Variants in PGCKA1 observed in about 807,000 individuals in gnomAD.
PGCKA1 encodes the protein PDCD10 and GCKIII kinases associated 1.
At chr4:37,548,947 G>A in the PGCKA1 span, among the ~76,000 whole-genome samples, 1 of 152,184 alleles carries the variant, frequency 6.6e-6, no homozygotes, top group Admixed American at 6.5e-5. Context: ...TTCCACTAAG[G>A]TGGTCCTCCA....
At chr4:37,577,802 A>C in the PGCKA1 span, among the ~76,000 whole-genome samples, 1 of 151,878 alleles carries the variant, frequency 6.6e-6, no homozygotes, top group African/African-American at 2.4e-5. Flanking sequence ...CTCTTCATTG[A>C]CCCAGTGTTT....
chr4:37,561,598 T>C, the PGCKA1 span, among the ~76,000 whole-genome samples: 69,275 of 151,532 alleles, frequency 0.46, 16,596 homozygotes, highest in South Asian at 0.54. Context: ...GTGTATGAGA[T>C]AGAAAAGACT....
chr4:37,556,272 T>TTG, the PGCKA1 span, among the ~76,000 whole-genome samples: 67,332 of 151,612 alleles, frequency 0.44, 15,295 homozygotes, highest in African/African-American at 0.53. Context: ...TTGTTTTGTT[T>TTG]TTTTGTTTTT....
the PGCKA1 span, among the ~76,000 whole-genome samples, chr4:37,517,577 G>A: frequency 3.8e-3 from 578 of 152,124 alleles, 4 homozygotes; most frequent in African/African-American, 0.013. Context: ...AATTCTTCAC[G>A]TAGTTACTGG....
the PGCKA1 span, among the ~76,000 whole-genome samples, chr4:37,513,964 T>C: frequency 6.6e-6 from 1 of 152,172 alleles, no homozygotes; most frequent in Non-Finnish European, 1.5e-5. Flanking sequence ...GTTTCTGTCT[T>C]TATTTTGTGC....
the PGCKA1 span, among the ~76,000 whole-genome samples, chr4:37,509,420 G>GCA: frequency 4.4e-5 from 6 of 136,228 alleles, no homozygotes; most frequent in Non-Finnish European, 9.6e-5. Flanking sequence ...GGGCAGAGAT[G>GCA]CTCCCCACAT....
the PGCKA1 span, among the ~76,000 whole-genome samples, chr4:37,503,902 G>A: frequency 5.9e-5 from 9 of 152,234 alleles, no homozygotes; most frequent in Non-Finnish European, 1.0e-4. Context: ...CTATTCTGTG[G>A]GTTGTCTCTT....
At chr4:37,556,132 C>A in the PGCKA1 span, among the ~76,000 whole-genome samples, 6 of 152,196 alleles carry the variant, frequency 3.9e-5, no homozygotes, top group African/African-American at 1.2e-4. Flanking sequence ...ATTCAGAATT[C>A]TTTGTTGACT....
chr4:37,546,735 C>T, the PGCKA1 span, among the ~76,000 whole-genome samples: 1 of 152,236 alleles, frequency 6.6e-6, no homozygotes, highest in Non-Finnish European at 1.5e-5. Flanking sequence ...CTTAGGTGGC[C>T]TAGGCCTGCC....
the PGCKA1 span, among the ~76,000 whole-genome samples, chr4:37,454,725 C>A: frequency 6.6e-6 from 1 of 152,346 alleles, no homozygotes; most frequent in East Asian, 1.9e-4. Flanking sequence ...TTGACCTTGG[C>A]AGCCCTGATG....
chr4:37,515,825 G>T, the PGCKA1 span, among the ~76,000 whole-genome samples: 1 of 152,132 alleles, frequency 6.6e-6, no homozygotes, highest in South Asian at 2.1e-4. Context: ...GCAAAATGAA[G>T]TTTGCCACTT....
At chr4:37,475,130 T>G in the PGCKA1 span, among the ~76,000 whole-genome samples, 1 of 152,284 alleles carries the variant, frequency 6.6e-6, no homozygotes, top group South Asian at 2.1e-4. Flanking sequence ...CAGATACTGT[T>G]AGACCAAGAA....
At chr4:37,527,119 GA>G in the PGCKA1 span, among the ~76,000 whole-genome samples, 1 of 151,904 alleles carries the variant, frequency 6.6e-6, no homozygotes, top group African/African-American at 2.4e-5. Context: ...ATTAAAAAAG[GA>G]AAAAGTATAT....
At chr4:37,513,418 G>C in the PGCKA1 span, among the ~76,000 whole-genome samples, 22 of 152,330 alleles carry the variant, frequency 1.4e-4, no homozygotes, top group East Asian at 4.2e-3. Flanking sequence ...TTAGTTTCTA[G>C]TGAGGATTCT....
the PGCKA1 span, among the ~76,000 whole-genome samples, chr4:37,563,857 A>G: frequency 6.6e-6 from 1 of 152,206 alleles, no homozygotes; most frequent in African/African-American, 2.4e-5. Context: ...CTACTTAGCA[A>G]AATCAGAGAC....
At chr4:37,590,611 C>T in the PGCKA1 span, 4 of 1,614,092 alleles carry the variant, frequency 2.5e-6, no homozygotes, top group South Asian at 4.4e-5. Context: ...GATACCAGCC[C>T]CAGATTACCT....
chr4:37,549,748 C>A, the PGCKA1 span, among the ~76,000 whole-genome samples: 5 of 151,918 alleles, frequency 3.3e-5, no homozygotes, highest in Non-Finnish European at 5.9e-5. Context: ...TCTAGTAGGC[C>A]CAACCTCCGA....
the PGCKA1 span, among the ~76,000 whole-genome samples, chr4:37,473,481 C>A: frequency 1.3e-5 from 2 of 151,968 alleles, no homozygotes; most frequent in African/African-American, 4.8e-5. Flanking sequence ...ACTACTTTAA[C>A]CAAGTTAAAA....
At chr4:37,505,782 T>A in the PGCKA1 span, among the ~76,000 whole-genome samples, 2 of 152,202 alleles carry the variant, frequency 1.3e-5, no homozygotes, top group South Asian at 4.1e-4. Flanking sequence ...AAGATGAGAT[T>A]TGGGTGGGAA....
Sources: gnomAD v4.1 joint callset for allele counts (sites outside exome capture counted in the v4.1 genomes callset) on GRCh38, gnomAD v4.1.1 for gene constraint, MANE v1.5 for transcripts, NCBI Gene and HGNC (gene_info 2026-07-23, HGNC 2026-07-21) for gene names.